Variants in ROBO1 observed in about 807,000 individuals in gnomAD.
The protein encoded by ROBO1 is roundabout homolog 1.
In ROBO1, 149 loss-of-function variants were observed where a neutral mutation model predicts 195.9. That is an observed-to-expected ratio of 0.76 (90% confidence interval 0.67 to 0.87). The LOEUF is 0.87. Among genes scored for constraint, ROBO1 ranks in the 40% least tolerant of loss-of-function variants. The probability of loss-of-function intolerance (pLI) is 0.00; values close to 1 mark genes in which losing one functional copy is unlikely to be tolerated. For synonymous variants in ROBO1, 816 were observed against 733.2 expected, an observed-to-expected ratio of 1.11 and a Z score of -1.82; for missense variants, 1,933 against 2,068.3, an observed-to-expected ratio of 0.93 and a Z score of 1.27.
intron 2 of ROBO1, among the ~76,000 whole-genome samples, chr3:79,202,848 C>G (rs1576809155): frequency 6.6e-6 from 1 of 152,036 alleles, no homozygotes; most frequent in Admixed American, 6.6e-5. Context: ...TTTTCATTCA[C>G]AAGCTATAAA....
At chr3:79,153,177 G>A (rs1457734771) in intron 2 of ROBO1, among the ~76,000 whole-genome samples, 1 of 151,630 alleles carries the variant, frequency 6.6e-6, no homozygotes. Context: ...GGAAAGCAAA[G>A]TTTAGGGAAA....
chr3:78,676,042 C>T (rs1291903678), intron 10 of ROBO1, among the ~76,000 whole-genome samples: 2 of 152,062 alleles, frequency 1.3e-5, no homozygotes, highest in African/African-American at 2.4e-5. Context: ...CTGCAGCCAC[C>T]GCTGCTGGTA....
At chr3:79,234,954 C>T (rs77859776) in intron 2 of ROBO1, among the ~76,000 whole-genome samples, 2,455 of 152,084 alleles carry the variant, frequency 0.016, 49 homozygotes, top group African/African-American at 0.053. Context: ...AACTTGCACA[C>T]GTACCACCTG....
chr3:78,824,545 T>C (rs1047707631), intron 4 of ROBO1, among the ~76,000 whole-genome samples: 1 of 152,186 alleles, frequency 6.6e-6, no homozygotes, highest in Non-Finnish European at 1.5e-5. Context: ...CAGTTTATAA[T>C]GATGTACATC....
intron 8 of ROBO1, among the ~76,000 whole-genome samples, chr3:78,709,470 A>C (rs910981929): frequency 3.9e-5 from 6 of 152,140 alleles, no homozygotes; most frequent in African/African-American, 1.4e-4. Context: ...TATCACCAAA[A>C]TTTTATTACA....
At chr3:79,423,615 A>AT (rs906252836) in intron 2 of ROBO1, among the ~76,000 whole-genome samples, 3 of 151,790 alleles carry the variant, frequency 2.0e-5, no homozygotes, top group East Asian at 1.9e-4. Context: ...GACTCATCAC[A>AT]TTTTTTTTGG....
chr3:79,475,038 T>C (rs564532156), intron 2 of ROBO1, among the ~76,000 whole-genome samples: 1 of 152,140 alleles, frequency 6.6e-6, no homozygotes, highest in African/African-American at 2.4e-5. Flanking sequence ...CTGAAATTAA[T>C]CATTTTAATA....
chr3:79,440,231 A>T (rs2039009245), intron 2 of ROBO1, among the ~76,000 whole-genome samples: 2 of 152,104 alleles, frequency 1.3e-5, no homozygotes, highest in Non-Finnish European at 1.5e-5. Context: ...TTAGTTTATT[A>T]TATGTCATGA....
At chr3:79,129,086 C>A (rs1159263183) in intron 2 of ROBO1, among the ~76,000 whole-genome samples, 5 of 152,136 alleles carry the variant, frequency 3.3e-5, no homozygotes, top group Non-Finnish European at 5.9e-5. Context: ...AATTTATTTC[C>A]ATTGGTGATT....
intron 3 of ROBO1, among the ~76,000 whole-genome samples, chr3:79,000,456 G>A (rs768849644): frequency 2.9e-4 from 44 of 152,170 alleles, no homozygotes; most frequent in Non-Finnish European, 5.6e-4. Context: ...ATCAAAAAGT[G>A]GGCAAAGGAT....
chr3:78,691,487 C>T (rs1399945966), intron 8 of ROBO1, among the ~76,000 whole-genome samples: 1 of 152,026 alleles, frequency 6.6e-6, no homozygotes, highest in Non-Finnish European at 1.5e-5. Context: ...AGCAAATTAC[C>T]TTTAATTACT....
At chr3:78,612,890 AC>A (rs1370766407) in intron 28 of ROBO1, among the ~76,000 whole-genome samples, 3 of 152,176 alleles carry the variant, frequency 2.0e-5, no homozygotes, top group African/African-American at 7.2e-5. Flanking sequence ...TTTCAGATTA[AC>A]TTTTGGCTTC....
intron 1 of ROBO1, among the ~76,000 whole-genome samples, chr3:79,728,112 A>G (rs891844221): frequency 3.1e-5 from 4 of 127,040 alleles, no homozygotes; most frequent in Non-Finnish European, 6.6e-5. Context: ...AAATATATGT[A>G]TTTATTTGTA....
At chr3:78,977,368 T>A (rs978484453) in intron 3 of ROBO1, among the ~76,000 whole-genome samples, 1 of 152,252 alleles carries the variant, frequency 6.6e-6, no homozygotes, top group East Asian at 1.9e-4. Context: ...TTCTTCAAGA[T>A]ATATGATTAA....
intron 3 of ROBO1, among the ~76,000 whole-genome samples, chr3:78,949,397 A>G (rs1576454011): frequency 1.4e-5 from 2 of 145,226 alleles, no homozygotes; most frequent in Admixed American, 6.9e-5. Context: ...CCTGACAAAA[A>G]CAAGCAATGG....
chr3:78,968,123 T>C (rs2076686299), intron 3 of ROBO1, among the ~76,000 whole-genome samples: 1 of 152,188 alleles, frequency 6.6e-6, no homozygotes, highest in Admixed American at 6.5e-5. Flanking sequence ...TGTTATCTCA[T>C]TGGAGAGGGC....
intron 4 of ROBO1, among the ~76,000 whole-genome samples, chr3:78,931,288 A>G (rs113027852): frequency 0.14 from 17,606 of 125,134 alleles, 2,880 homozygotes; most frequent in African/African-American, 0.42. Context: ...TTGCCCAGGC[A>G]GGAGTACAAT....
intron 2 of ROBO1, among the ~76,000 whole-genome samples, chr3:79,293,217 A>G (rs1048299495): frequency 2.6e-5 from 4 of 152,114 alleles, no homozygotes; most frequent in African/African-American, 9.7e-5. Context: ...CTGTGAGATC[A>G]GTGGTGATAT....
At chr3:79,400,098 T>C (rs1476994780) in intron 2 of ROBO1, among the ~76,000 whole-genome samples, 1 of 152,150 alleles carries the variant, frequency 6.6e-6, no homozygotes, top group Non-Finnish European at 1.5e-5. Context: ...GTAAATTTAC[T>C]TCAAAATATG....
Sources: allele counts gnomAD v4.1 joint callset (sites outside exome capture counted in the v4.1 genomes callset), GRCh38; gene constraint gnomAD v4.1.1; transcripts MANE v1.5; gene names NCBI Gene and HGNC (gene_info 2026-07-23, HGNC 2026-07-21).